STK33: variants seen among roughly 807,000 people sequenced by gnomAD.
STK33 encodes the protein serine/threonine-protein kinase 33.
STK33 carries 52 observed loss-of-function variants against 58.0 expected under a neutral mutation model. That is an observed-to-expected ratio of 0.90 (90% CI 0.72 to 1.13). The LOEUF (loss-of-function observed/expected upper bound fraction) is 1.13, where lower values mean the gene tolerates loss of function less well. Among genes scored for constraint, STK33 ranks in the 50% most tolerant of loss-of-function variants. STK33 has a pLI of 0.00. For missense variants in STK33, 630 were observed against 604.2 expected (o/e 1.04, Z -0.45); for synonymous variants, 215 against 200.1 (o/e 1.07, Z -0.63).
At chr11:8,422,244 T>C (rs1942031859) in intron 14 of STK33, among the ~76,000 whole-genome samples, 1 of 152,148 alleles carries the variant, frequency 6.6e-6, no homozygotes, top group African/African-American at 2.4e-5. Flanking sequence ...CTTTAATATA[T>C]TAATGTGGGG....
At chr11:8,435,111 C>T (rs1943906282) in intron 14 of STK33, among the ~76,000 whole-genome samples, 1 of 152,098 alleles carries the variant, frequency 6.6e-6, no homozygotes, top group South Asian at 2.1e-4. Context: ...TTCTGAGTCC[C>T]CAAAGATTTT....
At chr11:8,430,866 ATTT>A (rs11423343) in intron 14 of STK33, among the ~76,000 whole-genome samples, 15 of 133,806 alleles carry the variant, frequency 1.1e-4, no homozygotes, top group East Asian at 8.6e-4. Flanking sequence ...CCTTAACATA[ATTT>A]TTTTTTTTTT....
chr11:8,373,277 CA>C, the STK33 span, among the ~76,000 whole-genome samples: 4 of 152,188 alleles, frequency 2.6e-5, no homozygotes, highest in Non-Finnish European at 5.9e-5. Flanking sequence ...GTCACAAGGC[CA>C]GCCCAGACTC....
chr11:8,506,263 G>A (rs373616904), intron 1 of STK33, among the ~76,000 whole-genome samples: 3 of 152,130 alleles, frequency 2.0e-5, no homozygotes, highest in African/African-American at 7.2e-5. Context: ...GTCTTCTCAA[G>A]GCTAAACAGT....
chr11:8,465,036 G>A, intron 6 of STK33: 21 of 330,236 alleles, frequency 6.4e-5, no homozygotes, highest in East Asian at 1.6e-4. Flanking sequence ...GTCCTTTGGA[G>A]GAAAACCATA....
At chr11:8,494,969 T>G (rs948885765) in intron 1 of STK33, among the ~76,000 whole-genome samples, 2 of 152,178 alleles carry the variant, frequency 1.3e-5, no homozygotes, top group African/African-American at 4.8e-5. Context: ...GGCTTAAATG[T>G]TAGACCTAAA....
intron 14 of STK33, among the ~76,000 whole-genome samples, chr11:8,423,291 T>G (rs909789515): frequency 6.6e-6 from 1 of 151,986 alleles, no homozygotes; most frequent in African/African-American, 2.4e-5. Context: ...TTCCTACTAC[T>G]TTATTTGGTT....
rs1946439499 is a variant in STK33, at chr11:8,452,821, C to T, written c.871+1G>A. 1 of 1,613,196 alleles carries T rather than the reference C, an allele frequency of 6.2e-7. No homozygotes were observed. The highest frequency in any genetic ancestry group is 8.5e-7 in the Non-Finnish European group (1 of 1,179,338). On this transcript the variant is annotated splice_donor_variant, in intron 11 of 15. Transcript: ENST00000687296. LOFTEE classifies it high-confidence loss of function. The stretch of plus-strand genomic sequence containing the variant: ...AATTAATTTTAAGTCTACTAACTTA[C>T]CCATATAGATAGGAGTCCCACATGT...
chr11:8,532,498 C>G (rs1296109604), intron 1 of STK33, among the ~76,000 whole-genome samples: 1 of 152,240 alleles, frequency 6.6e-6, no homozygotes, highest in Non-Finnish European at 1.5e-5. Flanking sequence ...CTACCTTATT[C>G]TACCTCAATT....
At chr11:8,370,090 C>T in the STK33 span, among the ~76,000 whole-genome samples, 1 of 152,254 alleles carries the variant, frequency 6.6e-6, no homozygotes, top group Non-Finnish European at 1.5e-5. Context: ...GAGGGGCCAC[C>T]TGCCCTCCCA....
At chr11:8,501,586 T>C (rs1329432733) in intron 1 of STK33, among the ~76,000 whole-genome samples, 2 of 152,146 alleles carry the variant, frequency 1.3e-5, no homozygotes, top group Non-Finnish European at 2.9e-5. Flanking sequence ...AGAACCTCCA[T>C]ATACTGCTGG....
At chr11:8,399,229 T>C (rs1343987680) in intron 15 of STK33, among the ~76,000 whole-genome samples, 1 of 152,122 alleles carries the variant, frequency 6.6e-6, no homozygotes, top group Non-Finnish European at 1.5e-5. Context: ...AAAGCACTCC[T>C]CAGCAAATGT....
chr11:8,360,906 A>G, the STK33 span, among the ~76,000 whole-genome samples: 1 of 152,208 alleles, frequency 6.6e-6, no homozygotes, highest in African/African-American at 2.4e-5. Context: ...ATCCATGTGG[A>G]TAATCTCTGT....
chr11:8,482,692 A>G (rs1437278436), intron 1 of STK33, among the ~76,000 whole-genome samples: 3 of 152,000 alleles, frequency 2.0e-5, no homozygotes, highest in Non-Finnish European at 4.4e-5. Flanking sequence ...CAAAGATAAC[A>G]GCAGTAACTA....
chr11:8,501,158 C>G (rs928672337), intron 1 of STK33, among the ~76,000 whole-genome samples: 1 of 152,062 alleles, frequency 6.6e-6, no homozygotes, highest in Non-Finnish European at 1.5e-5. Context: ...AGATATGACA[C>G]CTAAAGCATG....
intron 14 of STK33, among the ~76,000 whole-genome samples, chr11:8,421,841 T>C (rs985161688): frequency 6.6e-6 from 1 of 152,188 alleles, no homozygotes; most frequent in Non-Finnish European, 1.5e-5. Flanking sequence ...TTTTACATGA[T>C]GTCTTCATTT....
chr11:8,554,952 A>G (rs910380843), intron 1 of STK33: 23 of 152,182 alleles, frequency 1.5e-4, no homozygotes, highest in African/African-American at 4.8e-4. Flanking sequence ...GTCATTTGCA[A>G]CAATGTGGAT....
chr11:8,577,905 A>G (rs1958299856), intron 1 of STK33, among the ~76,000 whole-genome samples: 1 of 152,148 alleles, frequency 6.6e-6, no homozygotes, highest in African/African-American at 2.4e-5. Context: ...AGCAAGAATC[A>G]TACCATAACC....
intron 1 of STK33, among the ~76,000 whole-genome samples, chr11:8,587,996 G>GA (rs926092258): frequency 6.6e-6 from 1 of 152,128 alleles, no homozygotes; most frequent in African/African-American, 2.4e-5. Context: ...CCAAGACCAG[G>GA]ACACCAGCAG....
Sources: allele counts gnomAD v4.1 joint callset (sites outside exome capture counted in the v4.1 genomes callset), GRCh38; gene constraint gnomAD v4.1.1; transcripts MANE v1.5; gene names NCBI Gene and HGNC (gene_info 2026-07-23, HGNC 2026-07-21).